The following SRP68 variants were observed in gnomAD, a reference collection of about 807,000 sequenced individuals.
SRP68 encodes signal recognition particle subunit SRP68.
Under a neutral mutation model 82.2 loss-of-function variants are expected in SRP68, and 15 were observed. The ratio of observed to expected loss-of-function variants is 0.18; its 90% CI spans 0.12 to 0.28. SRP68 has a LOEUF of 0.28. Among genes scored for constraint, SRP68 ranks in the 10% least tolerant of loss-of-function variants. SRP68 has a pLI of 1.00. For synonymous variants in SRP68, 261 were observed against 292.6 expected (o/e 0.89, Z 1.10); for missense variants, 595 against 780.5 (o/e 0.76, Z 2.83).
chr17:76,047,386 A>G (rs8071679), intron 10 of SRP68, among the ~76,000 whole-genome samples: 83,819 of 152,118 alleles, frequency 0.55, 26,337 homozygotes, highest in African/African-American at 0.87. Context: ...GTTAAGCTAT[A>G]TAAAAATCTT....
intron 10 of SRP68, 144 bp downstream of exon 10, chr17:76,047,762 C>T (rs897624197): frequency 7.3e-5 from 22 of 301,818 alleles, no homozygotes; most frequent in Non-Finnish European, 1.1e-4. Context: ...GCACTCCAGC[C>T]TGAGTGACAG....
intron 10 of SRP68, 101 bp from the exon 11 acceptor site, chr17:76,046,295 G>A (rs542089251): frequency 1.5e-5 from 21 of 1,359,770 alleles, no homozygotes; most frequent in East Asian, 4.6e-5. Flanking sequence ...AGCAGGGGGC[G>A]GGTGGGGGCG....
At chr17:76,056,979 C>G (rs2066718004) in intron 8 of SRP68, among the ~76,000 whole-genome samples, 1 of 152,210 alleles carries the variant, frequency 6.6e-6, no homozygotes, top group South Asian at 2.1e-4. Flanking sequence ...GCACACAAAA[C>G]AAGACATTCT....
chr17:76,050,603 G>A lies in SRP68; in HGVS notation c.979-77C>T, dbSNP rs148891102. On this transcript the variant is annotated intron_variant, in intron 8 of 15. Transcript: ENST00000307877. Reference sequence around the variant, plus strand: ...CACCTAATGGGAGAGGAGCAAAATCGCACATGGAGTCCCCCAACCACACAC... The same window carrying A: ...CACCTAATGGGAGAGGAGCAAAATCACACATGGAGTCCCCCAACCACACAC... The A allele has an allele frequency of 8.7e-3, 8,382 of 961,884 alleles. 95 individuals are homozygous for A. Among genetic ancestry groups the A allele is most frequent in the Middle Eastern group, 0.048 (231 of 4,782 alleles). 59.6% of individuals were successfully genotyped at this position (961,884 alleles called of 1,614,324 possible).
intron 5 of SRP68, 86 bp from the exon 6 acceptor site, chr17:76,061,305 C>A: frequency 9.9e-7 from 1 of 1,011,154 alleles, no homozygotes. Context: ...CAAATTATGG[C>A]CTTTTGAAGC....
chr17:76,060,109 G>A (rs1382787026), intron 7 of SRP68, among the ~76,000 whole-genome samples, 199 bp downstream of exon 7: 4 of 110,616 alleles, frequency 3.6e-5, no homozygotes, highest in African/African-American at 1.5e-4. Flanking sequence ...CTGGGTGACA[G>A]AGCGAGACTC....
In SRP68 at chr17:76,072,475, T is replaced by C. The variant is rs771810762; in HGVS notation, c.17A>G (p.Gln6Arg). 6.3e-6 allele frequency: 10 copies of C among 1,581,428 alleles called. No homozygotes were observed. The highest frequency in any genetic ancestry group is 1.1e-5 in the South Asian group (1 of 89,182). ...GCCGCCGCCGCCGCCGCCTGGGACCTGCTTCTCAGCAGCCATCTTGCCCCT... is the reference window on the plus strand; with the variant it reads ...GCCGCCGCCGCCGCCGCCTGGGACCCGCTTCTCAGCAGCCATCTTGCCCCT... MAAEK[Q>R]VPGGGGGGGS... The change falls in exon 1 of 16, where the codon CAG becomes CGG. Residue 6 changes from glutamine (Q) to arginine (R), a missense_variant. Coordinates refer to ENST00000307877, the MANE Select transcript of SRP68 (RefSeq NM_014230.4). The surrounding 1 kb of genome is among the most constrained non-coding windows in gnomAD (Gnocchi z 4.5).
chr17:76,062,499 A>C (rs71382192), intron 4 of SRP68, among the ~76,000 whole-genome samples: 1,841 of 88,616 alleles, frequency 0.021, 66 homozygotes, highest in African/African-American at 0.083. Flanking sequence ...TATATATATA[A>C]TATATATATA....
chr17:76,052,163 G>A (rs2066677641), intron 8 of SRP68, among the ~76,000 whole-genome samples: 1 of 152,206 alleles, frequency 6.6e-6, no homozygotes, highest in African/African-American at 2.4e-5. Context: ...TTACAGGCAG[G>A]AGCCACAGAG....
chr17:76,067,103 A>G (rs75354268), intron 3 of SRP68, 114 bp downstream of exon 3: 1 of 813,578 alleles, frequency 1.2e-6, no homozygotes, highest in African/African-American at 1.7e-5. Flanking sequence ...GGAATAGTAA[A>G]CAATGCCCAG....
intron 5 of SRP68, 123 bp downstream of exon 5, chr17:76,061,366 TCAA>T: frequency 1.0e-6 from 1 of 983,664 alleles, no homozygotes; most frequent in Non-Finnish European, 1.6e-6. Context: ...AAGAGAATCA[TCAA>T]CATTTCTATA....
At chr17:76,070,786 G>A (rs890878817) in intron 1 of SRP68, among the ~76,000 whole-genome samples, 2 of 151,854 alleles carry the variant, frequency 1.3e-5, no homozygotes, top group African/African-American at 4.8e-5. Context: ...AGGTTGCAAT[G>A]AGCCAAGACA....
rs181953699 is a variant in SRP68 at position 76,054,198 on chromosome 17, G to A, written c.978+3205C>T. 7.6e-4 allele frequency among the ~76,000 whole-genome samples: 116 copies of A among 152,312 alleles called. 2 individuals are homozygous for A. Among genetic ancestry groups the A allele is most frequent in the African/African-American group, 2.5e-3 (102 of 41,558 alleles). The stretch of plus-strand genomic sequence containing the variant: ...GCTCAGTTTCAAAACTGACTGGTGC[G>A]GAGGAAAGCGAGCTGCAGTGTGTCC... On this transcript the variant is annotated intron_variant, in intron 8 of 15. Coordinates refer to ENST00000307877, the MANE Select transcript of SRP68 (RefSeq NM_014230.4).
intron 13 of SRP68, among the ~76,000 whole-genome samples, chr17:76,042,309 A>T (rs2066597236): frequency 6.6e-6 from 1 of 152,224 alleles, no homozygotes; most frequent in South Asian, 2.1e-4. Flanking sequence ...TTATCGTTCA[A>T]TAATCAGTAA....
At chr17:76,045,731 G>A (rs1183256366) in intron 11 of SRP68, among the ~76,000 whole-genome samples, 3 of 152,232 alleles carry the variant, frequency 2.0e-5, no homozygotes, top group Non-Finnish European at 4.4e-5. Flanking sequence ...CAGTCCTACT[G>A]ACTGACAAAC....
chr17:76,041,079 C>T lies in SRP68; in HGVS notation c.1525-101G>A, dbSNP rs767690624. ...CGACCCCACTGGTATTTTCACAGGA[C>T]TTTAGACTTTCTAAACGGTTCTCAC... On this transcript the variant is annotated intron_variant, in intron 13 of 15. Coordinates refer to ENST00000307877, the MANE Select transcript of SRP68 (RefSeq NM_014230.4). 8 of 822,112 alleles carry T rather than the reference C, an allele frequency of 9.7e-6. No individual in the cohort carries two copies. The Middle Eastern group carries it at 1.1e-3, about 118-fold the overall frequency. The allele number at this position is 822,112 out of a possible 1,614,324, so 50.9% of individuals were successfully genotyped here.
chr17:76,043,326 T>A (rs1345282872), intron 13 of SRP68: 5 of 151,862 alleles, frequency 3.3e-5, no homozygotes, highest in Admixed American at 2.6e-4. Context: ...GAGGCTGCAT[T>A]CCTAGTGAGG....
chr17:76,039,710 CTCCTGAA>C lies in SRP68; in HGVS notation c.1873_1879del (p.Phe625AlafsTer13). 6.2e-7 allele frequency: 1 copy of C among 1,611,674 alleles called. No individual in the cohort carries two copies. Among genetic ancestry groups the C allele is most frequent in the Middle Eastern group, 1.7e-4 (1 of 6,058 alleles). On this transcript the variant is annotated frameshift_variant, in exon 16 of 16. Transcript: ENST00000307877. LOFTEE classifies it high-confidence loss of function. Reference sequence around the variant, plus strand: ...CGCCCCCGAGGAAGAGCCTGGTTAGCTCCTGAATCCAAAGATGCCCTTGATGTATCCA... The same window carrying C: ...CGCCCCCGAGGAAGAGCCTGGTTAGCTCCAAAGATGCCCTTGATGTATCCA...
chr17:76,064,682 A>T (rs990993218), intron 3 of SRP68, among the ~76,000 whole-genome samples: 1 of 151,954 alleles, frequency 6.6e-6, no homozygotes, highest in Non-Finnish European at 1.5e-5. Flanking sequence ...CTCTACTAAA[A>T]ATACAAAAAT....
Sources: gnomAD v4.1 joint callset for allele counts (sites outside exome capture counted in the v4.1 genomes callset) on GRCh38, gnomAD v4.1.1 for gene constraint, Gnocchi (gnomAD v3.1) non-coding constraint, MANE v1.5 for transcripts, NCBI Gene and HGNC (gene_info 2026-07-23, HGNC 2026-07-21) for gene names.